The following NLGN4X variants were observed in gnomAD, a reference collection of about 807,000 sequenced individuals.
The protein encoded by NLGN4X is neuroligin 4 X-linked, also known as neuroligin-4, X-linked.
Under a neutral mutation model 40.3 loss-of-function variants are expected in NLGN4X, and 3 were observed. The ratio of observed to expected loss-of-function variants is 0.07; its 90% CI spans 0.03 to 0.19. NLGN4X has a LOEUF of 0.19. NLGN4X is among the 10% of genes least tolerant of loss of function. The pLI, the probability that NLGN4X is intolerant of heterozygous loss-of-function variation, is 1.00. For synonymous variants in NLGN4X, 270 were observed against 306.8 expected (o/e 0.88, Z 1.25); for missense variants, 382 against 708.3 (o/e 0.54, Z 5.23).
chrX:6,188,002 C>T lies in NLGN4X; in HGVS notation c.-305-36231G>A, dbSNP rs1396057407. Among the ~76,000 whole-genome samples, 4 of 111,956 alleles carry T rather than the reference C, an allele frequency of 3.6e-5. No individual in the cohort carries two copies. In the East Asian group the frequency reaches 1.1e-3, roughly 31 times the overall value. ...CAAAATATATTTATTTTCGTTTGAT[C>T]AATAACCTACAACGCCCTTCCCACT... is the stretch of plus-strand genomic sequence containing the variant. On this transcript the variant is annotated intron_variant, in intron 1 of 5. Coordinates refer to ENST00000381095, the MANE Select transcript of NLGN4X (RefSeq NM_181332.3).
intron 5 of NLGN4X, among the ~76,000 whole-genome samples, chrX:5,895,815 A>C (rs1448978592): frequency 9.0e-6 from 1 of 111,606 alleles, no homozygotes; most frequent in Non-Finnish European, 1.9e-5. Flanking sequence ...ATATTTGAAA[A>C]GTCTTCTGCT....
chrX:6,122,199 A>G (rs1454598499), intron 2 of NLGN4X, among the ~76,000 whole-genome samples: 3 of 111,140 alleles, frequency 2.7e-5, no homozygotes, highest in Non-Finnish European at 3.8e-5. Flanking sequence ...CCTCCAATTT[A>G]CCCAGAGGCA....
chrX:5,952,443 C>T lies in NLGN4X; in HGVS notation c.626-43204G>A, dbSNP rs184573061. Among the ~76,000 whole-genome samples the T allele has an allele frequency of 4.9e-4, 54 of 109,245 alleles. No homozygotes were observed. The East Asian group carries it at 8.1e-3, about 16-fold the overall frequency. The allele number at this position is 109,245 out of a possible 115,157, so 94.9% of individuals were successfully genotyped here. On this transcript the variant is annotated intron_variant, in intron 3 of 5. Coordinates refer to ENST00000381095, the MANE Select transcript of NLGN4X (RefSeq NM_181332.3). ...GTTTCTTACGTAAGACCCTCTATGGCTGCTTCTCATTTCCTGTATCTATTG... is the reference window on the plus strand; with the variant it reads ...GTTTCTTACGTAAGACCCTCTATGGTTGCTTCTCATTTCCTGTATCTATTG...
intron 2 of NLGN4X, among the ~76,000 whole-genome samples, chrX:6,086,932 C>T (rs1372535672): frequency 1.8e-5 from 2 of 111,836 alleles, no homozygotes; most frequent in Admixed American, 1.9e-4. Flanking sequence ...CCACACCCGG[C>T]TCATGCAACA....
chrX:6,063,744 G>A (rs945668988), intron 2 of NLGN4X, among the ~76,000 whole-genome samples: 4 of 112,283 alleles, frequency 3.6e-5, no homozygotes, highest in Admixed American at 9.4e-5. Context: ...ACAGTTGAAT[G>A]CTTAAAAATC....
At chrX:6,166,330 A>C (rs1331525882) in intron 1 of NLGN4X, among the ~76,000 whole-genome samples, 1 of 111,348 alleles carries the variant, frequency 9.0e-6, no homozygotes, top group Non-Finnish European at 1.9e-5. Context: ...TCCTGGCCTC[A>C]AGCAATCCTC....
Position 6,065,868 on chromosome X carries a change from T to C in NLGN4X, c.473-36436A>G, listed in dbSNP as rs184466651. On this transcript the variant is annotated intron_variant, in intron 2 of 5. Transcript: ENST00000381095. The stretch of plus-strand genomic sequence containing the variant: ...TTTTTTAAAATAGCTAAATTGCATA[T>C]TTTAAAATGTTAAATCAAAAGCCCC... 5.1e-3 allele frequency among the ~76,000 whole-genome samples: 567 copies of C among 112,173 alleles called. 5 individuals carry two copies. The highest frequency in any genetic ancestry group is 0.018 in the African/African-American group (547 of 30,901).
At chrX:5,902,976 A>G in intron 5 of NLGN4X, 101 bp downstream of exon 5, 1 of 930,782 alleles carries the variant, frequency 1.1e-6, no homozygotes, top group Non-Finnish European at 1.6e-6. Context: ...ATGTGTGTGT[A>G]TGCGTGTGTG....
intron 3 of NLGN4X, among the ~76,000 whole-genome samples, chrX:5,948,180 T>C (rs779933016): frequency 8.9e-6 from 1 of 112,234 alleles, no homozygotes; most frequent in South Asian, 3.7e-4. Context: ...TAATTTGTTC[T>C]TTCCTGTGGG....
At position 6,174,007 on chromosome X, in the gene NLGN4X, G is replaced by A. The variant is rs184640177; in HGVS notation, c.-305-22236C>T. Among the ~76,000 whole-genome samples the A allele has an allele frequency of 3.5e-3, 391 of 111,261 alleles. 4 individuals are homozygous for A. The highest frequency in any genetic ancestry group is 0.012 in the African/African-American group (374 of 30,592). ...CAGGAGGTAGAGGTTGCAGTGAGCCGAGATGGTGCTACTGCACTCCAGCCT... is the reference window on the plus strand; with the variant it reads ...CAGGAGGTAGAGGTTGCAGTGAGCCAAGATGGTGCTACTGCACTCCAGCCT... On this transcript the variant is annotated intron_variant, in intron 1 of 5. Transcript: ENST00000381095.
intron 1 of NLGN4X, among the ~76,000 whole-genome samples, chrX:6,177,928 A>G (rs1921002473): frequency 9.0e-6 from 1 of 110,831 alleles, no homozygotes; most frequent in Non-Finnish European, 1.9e-5. Flanking sequence ...AAGGGAACTC[A>G]GCTCCCTCAC....
intron 3 of NLGN4X, among the ~76,000 whole-genome samples, chrX:6,020,074 A>G (rs2036493152): frequency 8.9e-6 from 1 of 111,892 alleles, no homozygotes; most frequent in South Asian, 3.7e-4. Flanking sequence ...TCTCCATAGC[A>G]TGACAGATGC....
intron 3 of NLGN4X, among the ~76,000 whole-genome samples, chrX:5,995,226 T>C (rs1238493606): frequency 8.9e-6 from 1 of 112,372 alleles, no homozygotes; most frequent in Non-Finnish European, 1.9e-5. Flanking sequence ...ATGAAGGCAC[T>C]GTCCTCTTCT....
chrX:5,897,058 T>C (rs1224510848), intron 5 of NLGN4X, among the ~76,000 whole-genome samples: 1 of 111,502 alleles, frequency 9.0e-6, no homozygotes, highest in Non-Finnish European at 1.9e-5. Context: ...AGGACAGAAA[T>C]CAATCTGCCG....
intron 2 of NLGN4X, among the ~76,000 whole-genome samples, chrX:6,059,919 C>T (rs915956494): frequency 1.8e-5 from 2 of 111,979 alleles, no homozygotes; most frequent in Non-Finnish European, 3.8e-5. Flanking sequence ...AATATTTTAA[C>T]AGTCACCTAC....
intron 3 of NLGN4X, among the ~76,000 whole-genome samples, chrX:6,005,263 A>G (rs2036074659): frequency 8.9e-6 from 1 of 112,127 alleles, no homozygotes; most frequent in African/African-American, 3.2e-5. Context: ...TGCATTGTGG[A>G]AGTAAAATGG....
chrX:6,140,018 T>C (rs1387298507), intron 2 of NLGN4X, among the ~76,000 whole-genome samples: 1 of 111,234 alleles, frequency 9.0e-6, no homozygotes, highest in Non-Finnish European at 1.9e-5. Flanking sequence ...GTTAGGTGAA[T>C]ATTAGATGTT....
At chrX:6,192,321 T>A in intron 1 of NLGN4X, among the ~76,000 whole-genome samples, 1 of 110,612 alleles carries the variant, frequency 9.0e-6, no homozygotes, top group South Asian at 3.9e-4. Flanking sequence ...AGAGATGAAG[T>A]CTCACTGTGT....
At chrX:6,005,662 T>C (rs773395646) in intron 3 of NLGN4X, among the ~76,000 whole-genome samples, 37 of 111,780 alleles carry the variant, frequency 3.3e-4, no homozygotes, top group Non-Finnish European at 6.6e-4. Flanking sequence ...AGTTGTTTTC[T>C]GAAGTTGTTT....
Sources: allele counts gnomAD v4.1 joint callset (sites outside exome capture counted in the v4.1 genomes callset), GRCh38; gene constraint gnomAD v4.1.1; transcripts MANE v1.5; gene names NCBI Gene and HGNC (gene_info 2026-07-23, HGNC 2026-07-21).